The following HEATR5B variants were observed in gnomAD, a reference collection of about 807,000 sequenced individuals.
HEATR5B encodes HEAT repeat containing 5B.
A neutral mutation model predicts 224.1 loss-of-function variants in HEATR5B; 156 were observed. That is an observed-to-expected ratio of 0.70 (90% CI 0.61 to 0.80). The LOEUF is 0.80. HEATR5B is among the 30% of genes least tolerant of loss of function. HEATR5B has a pLI of 0.00. For synonymous variants in HEATR5B, 1,027 were observed against 893.0 expected, an observed-to-expected ratio of 1.15 and a Z score of -2.68; for missense variants, 2,323 against 2,535.5, an observed-to-expected ratio of 0.92 and a Z score of 1.80.
chr2:37,037,303 G>T (rs894144793), intron 21 of HEATR5B, among the ~76,000 whole-genome samples: 5 of 151,206 alleles, frequency 3.3e-5, no homozygotes, highest in South Asian at 2.1e-4. Flanking sequence ...ACGCCACCAC[G>T]CCCGGCTAAT....
intron 26 of HEATR5B, among the ~76,000 whole-genome samples, chr2:37,019,401 G>C (rs1182661838): frequency 6.6e-6 from 1 of 151,494 alleles, no homozygotes; most frequent in African/African-American, 2.4e-5. Context: ...AGAATAAAAA[G>C]GAAAACTGCC....
At chr2:36,997,809 A>ACC (rs1469576022) in intron 33 of HEATR5B, among the ~76,000 whole-genome samples, 3 of 150,716 alleles carry the variant, frequency 2.0e-5, no homozygotes, top group Non-Finnish European at 4.4e-5. Context: ...CTCATGATCC[A>ACC]CCCGCCTTGG....
At chr2:37,058,379 G>T in intron 14 of HEATR5B, 72 bp downstream of exon 14, 1 of 869,604 alleles carries the variant, frequency 1.1e-6, no homozygotes, top group Non-Finnish European at 1.9e-6. Context: ...GAGAGCCTTT[G>T]TCAAGACTCT....
chr2:37,008,598 A>C lies in HEATR5B; in HGVS notation c.4522+13T>G. On this transcript the variant is annotated intron_variant, in intron 28 of 35. Transcript: ENST00000233099. ...GAACTCCATAAAAGTAAAACTCAGA[A>C]TGTAATACTCACCATCTGGAGGAAG... 1 of 1,561,798 alleles carries C rather than the reference A, an allele frequency of 6.4e-7. No homozygotes were observed. The highest frequency in any genetic ancestry group is 8.8e-7 in the Non-Finnish European group (1 of 1,132,172).
At chr2:37,012,199 G>A (rs1194633697) in intron 27 of HEATR5B, among the ~76,000 whole-genome samples, 4 of 152,058 alleles carry the variant, frequency 2.6e-5, no homozygotes, top group African/African-American at 9.7e-5. Context: ...TAATGTGTGC[G>A]TGCGTGTGTG....
At chr2:37,001,574 T>C (rs1667092370) in intron 32 of HEATR5B, among the ~76,000 whole-genome samples, 1 of 151,974 alleles carries the variant, frequency 6.6e-6, no homozygotes, top group African/African-American at 2.4e-5. Context: ...AGAGGAATTG[T>C]CTTGAGCCAC....
intron 16 of HEATR5B, among the ~76,000 whole-genome samples, chr2:37,055,831 T>C (rs1215809964): frequency 6.6e-6 from 1 of 152,236 alleles, no homozygotes; most frequent in Non-Finnish European, 1.5e-5. Context: ...CTTGTATTAA[T>C]TCATTTCTGT....
intron 7 of HEATR5B, 48 bp downstream of exon 7, chr2:37,070,182 G>A (rs772302484): frequency 6.3e-7 from 1 of 1,589,262 alleles, no homozygotes; most frequent in Non-Finnish European, 8.6e-7. Flanking sequence ...TTACAGGCGT[G>A]AGCCACCGTG....
At chr2:37,073,587 C>T (rs1362533837) in intron 5 of HEATR5B, among the ~76,000 whole-genome samples, 1 of 152,090 alleles carries the variant, frequency 6.6e-6, no homozygotes, top group East Asian at 1.9e-4. Context: ...GTCATATTTC[C>T]CCAGTCTTAT....
intron 27 of HEATR5B, among the ~76,000 whole-genome samples, chr2:37,009,069 C>T (rs1050700250): frequency 1.3e-5 from 2 of 151,644 alleles, no homozygotes; most frequent in African/African-American, 4.8e-5. Context: ...ACCATCCTGG[C>T]CAACATAGTG....
chr2:36,995,325 G>A (rs907414394), intron 33 of HEATR5B, among the ~76,000 whole-genome samples: 1 of 151,600 alleles, frequency 6.6e-6, no homozygotes. Context: ...TCCTGACCTC[G>A]TGATCTGCCC....
At chr2:37,034,948 G>T (rs1397615637) in intron 21 of HEATR5B, among the ~76,000 whole-genome samples, 2 of 152,130 alleles carry the variant, frequency 1.3e-5, no homozygotes, top group Non-Finnish European at 2.9e-5. Flanking sequence ...TTCAAGCATG[G>T]TCATATCACA....
intron 21 of HEATR5B, among the ~76,000 whole-genome samples, chr2:37,037,145 G>GATATATATATATATAT (rs1553431138): frequency 0.026 from 2,278 of 89,138 alleles, 256 homozygotes; most frequent in African/African-American, 0.058. Context: ...CTAAAAATGT[G>GATATATATATATATAT]ATATATATAT....
In HEATR5B at chr2:37,049,678, T is replaced by C. The variant is rs1289833983; in HGVS notation, c.2671A>G (p.Arg891Gly). 1 of 1,613,960 alleles carries C rather than the reference T, an allele frequency of 6.2e-7. No individual in the cohort carries two copies. The highest frequency in any genetic ancestry group is 8.5e-7 in the Non-Finnish European group (1 of 1,179,976). ...QVVGEATFIA[R>G]MAQYSFDKLK... ...TTGTCAAAGCTATATTGGGCCATTC[T>C]AGCAATAAAAGTTGCTTCTCCAACC... Residue 891 changes from arginine to glycine, a missense_variant, in exon 18 of 36, where the codon AGA becomes GGA. Physicochemically the swap from Arg to Gly is moderately radical, Grantham distance 125. Transcript: ENST00000233099.
At chr2:36,983,022 G>C (rs997428831) in intron 35 of HEATR5B, among the ~76,000 whole-genome samples, 5 of 151,986 alleles carry the variant, frequency 3.3e-5, no homozygotes, top group African/African-American at 1.2e-4. Context: ...TCAATGCCTA[G>C]AACACTACCT....
rs1470335989 is a variant in HEATR5B at position 37,049,637 on chromosome 2, A to G, written c.2696+16T>C. The G allele has an allele frequency of 8.1e-6, 13 of 1,605,088 alleles. No homozygotes were observed. Among genetic ancestry groups the G allele is most frequent in the African/African-American group, 1.3e-5 (1 of 74,426 alleles). On this transcript the variant is annotated intron_variant, in intron 18 of 35. Transcript: ENST00000233099. Reference sequence around the variant, plus strand: ...TTGCCTACACATGAAACTTGTTAGTAAAGAAACCCACTTACTTGTCAAAGC... The same window carrying G: ...TTGCCTACACATGAAACTTGTTAGTGAAGAAACCCACTTACTTGTCAAAGC...
intron 11 of HEATR5B, among the ~76,000 whole-genome samples, chr2:37,061,489 T>C (rs373425966): frequency 7.1e-4 from 108 of 152,232 alleles, no homozygotes; most frequent in African/African-American, 1.8e-3. Flanking sequence ...TTTTGTACTA[T>C]GTACAATGTT....
intron 27 of HEATR5B, among the ~76,000 whole-genome samples, chr2:37,009,780 CTTTT>C (rs1333708477): frequency 7.5e-6 from 1 of 132,984 alleles, no homozygotes; most frequent in Non-Finnish European, 1.6e-5. Context: ...CCCGCCTCCA[CTTTT>C]TTTTTTTTTT....
chr2:36,996,731 T>A (rs1420633206), intron 33 of HEATR5B, among the ~76,000 whole-genome samples: 1 of 152,130 alleles, frequency 6.6e-6, no homozygotes, highest in African/African-American at 2.4e-5. Flanking sequence ...TAGCTGGGAT[T>A]ACAGGCATGT....
Sources: gnomAD v4.1 joint callset for allele counts (sites outside exome capture counted in the v4.1 genomes callset) on GRCh38, gnomAD v4.1.1 for gene constraint, MANE v1.5 for transcripts, NCBI Gene and HGNC (gene_info 2026-07-23, HGNC 2026-07-21) for gene names.